CHADL: variants seen among roughly 807,000 people sequenced by gnomAD.
CHADL encodes the protein chondroadherin like.
Under a neutral mutation model 52.1 loss-of-function variants are expected in CHADL, and 48 were observed. The observed-to-expected ratio is 0.92, with a 90% CI of 0.73 to 1.17. The LOEUF (loss-of-function observed/expected upper bound fraction) is 1.17, where lower values mean the gene tolerates loss of function less well. Among genes scored for constraint, CHADL ranks in the 50% most tolerant of loss-of-function variants. The pLI, the probability that CHADL is intolerant of heterozygous loss-of-function variation, is 0.00. For synonymous variants in CHADL, 498 were observed against 511.2 expected (o/e 0.97, Z 0.35); for missense variants, 977 against 1,035.1 (o/e 0.94, Z 0.77).
In CHADL at chr22:41,236,546, C is replaced by T; in HGVS notation, c.2001G>A (p.Leu667=). The T allele has an allele frequency of 6.4e-7, 1 of 1,551,498 alleles. No individual in the cohort carries two copies. The highest frequency in any genetic ancestry group is 8.7e-7 in the Non-Finnish European group (1 of 1,146,980). ...GATTGCTGCTGAGGTCGATGAGCTC[C>T]AGCTGGCTGAGACTGGGCAGGGCAG... ...ALPALPSLSQ[L]ELIDLSSNPF... Residue 667 remains leucine, a synonymous_variant, in exon 4 of 6, where the codon CTG becomes CTA. Coordinates refer to ENST00000216241, the MANE Select transcript of CHADL (RefSeq NM_138481.2).
chr22:41,232,515 C>T (rs1461455996), intron 5 of CHADL, among the ~76,000 whole-genome samples: 1 of 152,128 alleles, frequency 6.6e-6, no homozygotes, highest in Admixed American at 6.5e-5. Flanking sequence ...GTGCCTTCAG[C>T]AGGCGAGCAT....
At chr22:41,235,507 A>C (rs2032725211) in intron 4 of CHADL, among the ~76,000 whole-genome samples, 164 bp from the exon 5 acceptor site, 1 of 152,310 alleles carries the variant, frequency 6.6e-6, no homozygotes. Flanking sequence ...TTTCCTGAGG[A>C]GGTCAAGGAG....
intron 5 of CHADL, chr22:41,230,353 C>G (rs2032517474): frequency 2.3e-6 from 2 of 860,380 alleles, no homozygotes; most frequent in Non-Finnish European, 3.8e-6. Flanking sequence ...GACTGATCCT[C>G]TCTGTGTAAA....
At chr22:41,230,433 T>C (rs75654842) in intron 5 of CHADL, 88 of 596,052 alleles carry the variant, frequency 1.5e-4, no homozygotes, top group Non-Finnish European at 2.5e-4. Context: ...GCCTGTTGCT[T>C]CTGCCCTCCC....
At chr22:41,240,186 A>G (rs947854064) in intron 1 of CHADL, among the ~76,000 whole-genome samples, 27 of 152,202 alleles carry the variant, frequency 1.8e-4, no homozygotes, top group African/African-American at 6.3e-4. Context: ...CTCCTGGGCT[A>G]AAGTGATCCT....
At position 41,239,619 on chromosome 22, in the gene CHADL, G is replaced by A. The variant is rs2032825560; in HGVS notation, c.10C>T (p.Pro4Ser). The change falls in exon 2 of 6, where the codon CCC becomes TCC. Residue 4 changes from proline (P) to serine (S), a missense_variant and splice_region_variant. Coordinates refer to ENST00000216241, the MANE Select transcript of CHADL (RefSeq NM_138481.2). MEGPRSSTHVPLVL... is the reference protein window; with the variant it reads MEGSRSSTHVPLVL... ...AAGGGGACATGGGTGGAGCTCCGGG[G>A]CCTGGGACGGGGAGGGAGAGTCTGT... 1 of 1,527,240 alleles carries A rather than the reference G, an allele frequency of 6.5e-7. No individual in the cohort carries two copies. The highest frequency in any genetic ancestry group is 1.2e-5 in the South Asian group (1 of 82,202). The allele number at this position is 1,527,240 out of a possible 1,614,324, so 94.6% of individuals were successfully genotyped here. A position where few individuals can be genotyped will look rare whatever the true frequency, so the allele number is the denominator to read the frequency against.
chr22:41,240,093 TTAAA>T (rs1341104599), intron 1 of CHADL, among the ~76,000 whole-genome samples: 4 of 152,058 alleles, frequency 2.6e-5, no homozygotes, highest in Non-Finnish European at 5.9e-5. Flanking sequence ...GTTTGTTTGT[TTAAA>T]TAGAGACAAG....
intron 5 of CHADL, among the ~76,000 whole-genome samples, chr22:41,232,094 A>T (rs370603055): frequency 4.1e-4 from 62 of 152,248 alleles, no homozygotes; most frequent in East Asian, 7.7e-4. Flanking sequence ...GCACTTTGGG[A>T]GGCCACGGCG....
chr22:41,230,076 T>TCCCCCCCC, intron 5 of CHADL: 10 of 912,380 alleles, frequency 1.1e-5, no homozygotes, highest in South Asian at 1.6e-5. Flanking sequence ...TCCCAGCTCC[T>TCCCCCCCC]CCGCCCCCAC....
intron 5 of CHADL, among the ~76,000 whole-genome samples, chr22:41,232,133 C>T (rs966041008): frequency 2.7e-4 from 41 of 151,498 alleles, no homozygotes; most frequent in African/African-American, 4.6e-4. Context: ...GAGATCGAGA[C>T]CATCCTGGCT....
At chr22:41,234,367 T>C (rs1456523121) in intron 5 of CHADL, among the ~76,000 whole-genome samples, 1 of 133,452 alleles carries the variant, frequency 7.5e-6, no homozygotes, top group East Asian at 2.0e-4. Flanking sequence ...GGATGGACAT[T>C]ATTATTATTA....
chr22:41,238,231 G>C lies in CHADL; in HGVS notation c.841C>G (p.His281Asp), dbSNP rs1414950850. Residue 281 changes from histidine to aspartate, a missense_variant, in exon 3 of 6, where the codon CAC becomes GAC. Transcript: ENST00000216241. The surrounding 1 kb of genome is among the most constrained non-coding windows in gnomAD (Gnocchi z 4.9). ...PRAFAHCPRL[H>D]TLDLRGNQLD... ...TGGTTCCCGCGGAGGTCGAGGGTGT[G>C]CAGGCGCGGACAGTGTGCGAAGGCC... 2.0e-6 allele frequency: 3 copies of C among 1,528,550 alleles called. No individual in the cohort carries two copies. The highest frequency in any genetic ancestry group is 1.2e-5 in the South Asian group (1 of 83,328). The allele number at this position is 1,528,550 out of a possible 1,614,324, so 94.7% of individuals were successfully genotyped here.
At chr22:41,230,519 C>A in intron 5 of CHADL, 1 of 459,036 alleles carries the variant, frequency 2.2e-6, no homozygotes. Flanking sequence ...AGCCAGAGTT[C>A]CCAAAGCTGG....
chr22:41,235,092 G>A (rs1229943193), intron 5 of CHADL, 53 bp downstream of exon 5: 1 of 1,527,812 alleles, frequency 6.5e-7, no homozygotes, highest in East Asian at 2.5e-5. Flanking sequence ...TGGGGACTTT[G>A]GAACCTGGCC....
At chr22:41,235,428 G>T in intron 4 of CHADL, 85 bp from the exon 5 acceptor site, 2 of 1,105,728 alleles carry the variant, frequency 1.8e-6, no homozygotes, top group Non-Finnish European at 2.6e-6. Flanking sequence ...TGTGGGGCAG[G>T]GTTGGTGCAG....
rs770006580 is a variant in CHADL at position 41,238,277 on chromosome 22, G to A, written c.795C>T (p.Ala265=). The change falls in exon 3 of 6, where the codon GCC becomes GCT. Residue 265 remains alanine (A), a synonymous_variant. Transcript: ENST00000216241. This position sits in a 1 kb window ranked among gnomAD's most constrained non-coding sequence, Gnocchi z 4.9. ...GLRELLLDGG[A]LQALGPRAFA... is the part of the protein sequence containing the mutation. ...AGGCCCTGGGACCCAGGGCCTGCAG[G>A]GCCCCGCCGTCCAGCAGCAGCTCCC... The A allele has an allele frequency of 6.5e-7, 1 of 1,529,656 alleles. No individual in the cohort carries two copies. Among genetic ancestry groups the A allele is most frequent in the South Asian group, 1.2e-5 (1 of 83,692 alleles). The allele number at this position is 1,529,656 out of a possible 1,614,324, so 94.8% of individuals were successfully genotyped here.
In CHADL at chr22:41,238,069, C is replaced by A; in HGVS notation, c.1003G>T (p.Ala335Ser). 7.8e-7 allele frequency: 1 copy of A among 1,280,336 alleles called. No individual in the cohort carries two copies. The highest frequency in any genetic ancestry group is 1.6e-5 in the African/African-American group (1 of 64,144). The allele number at this position is 1,280,336 out of a possible 1,614,324, so 79.3% of individuals were successfully genotyped here. ...CGCAGGCGCCGCGGCCCCTGGCACG[C>A]GCCGTCCGAGCGCACGCGCGCCCGC... ...LARARVRSDG[A>S]CQGPRRLRGE... Residue 335 changes from alanine (A) to serine (S), a missense_variant, in exon 3 of 6, where the codon GCG becomes TCG. Physicochemically the swap from Ala to Ser is moderately conservative, Grantham distance 99. Coordinates refer to ENST00000216241, the MANE Select transcript of CHADL (RefSeq NM_138481.2). This position sits in a 1 kb window ranked among gnomAD's most constrained non-coding sequence, Gnocchi z 4.9.
At chr22:41,231,777 C>T (rs939737952) in intron 5 of CHADL, among the ~76,000 whole-genome samples, 1 of 152,110 alleles carries the variant, frequency 6.6e-6, no homozygotes, top group Non-Finnish European at 1.5e-5. Flanking sequence ...GCCTCAGGAC[C>T]CACAGGGGCT....
At chr22:41,240,731 G>T in intron 1 of CHADL, 143 bp downstream of exon 1, 3 of 945,326 alleles carry the variant, frequency 3.2e-6, no homozygotes, top group Non-Finnish European at 4.8e-6. Context: ...CCCACCTTGG[G>T]AGACCCCCTT....
Sources: gnomAD v4.1 joint callset for allele counts (sites outside exome capture counted in the v4.1 genomes callset) on GRCh38, gnomAD v4.1.1 for gene constraint, Gnocchi (gnomAD v3.1) non-coding constraint, MANE v1.5 for transcripts, NCBI Gene and HGNC (gene_info 2026-07-23, HGNC 2026-07-21) for gene names.